The following CSNK2A2IP variants were observed in gnomAD, a reference collection of about 807,000 sequenced individuals.
CSNK2A2IP encodes casein kinase 2 subunit alpha' interacting protein, also known as casein kinase II subunit alpha'-interacting protein.
At chr3:88,412,858 T>A in the CSNK2A2IP span, among the ~76,000 whole-genome samples, 2 of 151,928 alleles carry the variant, frequency 1.3e-5, no homozygotes, top group African/African-American at 4.8e-5. Context: ...ACAGTAAAAA[T>A]ACAGAATTAT....
At chr3:88,412,949 A>AT in the CSNK2A2IP span, among the ~76,000 whole-genome samples, 97 of 152,110 alleles carry the variant, frequency 6.4e-4, no homozygotes, top group Non-Finnish European at 4.1e-4. Flanking sequence ...ATGAATTGTC[A>AT]TTTTTCAGCC....
the CSNK2A2IP span, among the ~76,000 whole-genome samples, chr3:88,440,696 T>C: frequency 2.0e-5 from 3 of 152,108 alleles, no homozygotes; most frequent in Non-Finnish European, 4.4e-5. Flanking sequence ...AATTAAAGCT[T>C]TTTTTTCCCC....
the CSNK2A2IP span, among the ~76,000 whole-genome samples, chr3:88,431,476 A>G: frequency 4.6e-5 from 7 of 152,288 alleles, no homozygotes; most frequent in African/African-American, 1.7e-4. Flanking sequence ...GAAGGGGGTG[A>G]AGGATAAAAG....
chr3:88,465,190 T>A, the CSNK2A2IP span: 3 of 408,022 alleles, frequency 7.4e-6, no homozygotes, highest in Non-Finnish European at 1.3e-5. Flanking sequence ...ACTTCAATTT[T>A]GGAATAGTCT....
chr3:88,369,822 T>C, the CSNK2A2IP span, among the ~76,000 whole-genome samples: 19 of 151,818 alleles, frequency 1.3e-4, no homozygotes, highest in Non-Finnish European at 5.9e-5. Flanking sequence ...TGTTACAAGG[T>C]AGAATTCTGG....
chr3:88,434,274 G>A, the CSNK2A2IP span, among the ~76,000 whole-genome samples: 1 of 152,044 alleles, frequency 6.6e-6, no homozygotes, highest in Admixed American at 6.6e-5. Flanking sequence ...AGAAAAAGTA[G>A]GGTATTATGG....
chr3:88,453,844 A>G, the CSNK2A2IP span, among the ~76,000 whole-genome samples: 5 of 152,060 alleles, frequency 3.3e-5, no homozygotes. Flanking sequence ...TCATTTGTCT[A>G]CTGATGGATA....
chr3:88,413,341 A>C, the CSNK2A2IP span, among the ~76,000 whole-genome samples: 8 of 152,002 alleles, frequency 5.3e-5, no homozygotes, highest in African/African-American at 1.9e-4. Context: ...TAACTCTTAT[A>C]CACTAAGAGA....
the CSNK2A2IP span, among the ~76,000 whole-genome samples, chr3:88,421,692 C>T: frequency 2.2e-3 from 339 of 152,274 alleles, 2 homozygotes; most frequent in Non-Finnish European, 2.3e-3. Context: ...GCTGGGATTA[C>T]AGGCATGAGC....
chr3:88,383,947 G>A, the CSNK2A2IP span, among the ~76,000 whole-genome samples: 232 of 150,652 alleles, frequency 1.5e-3, 2 homozygotes, highest in African/African-American at 5.4e-3. Context: ...ACAGGCATAA[G>A]CCACTGCGCC....
At chr3:88,408,814 T>C in the CSNK2A2IP span, among the ~76,000 whole-genome samples, 1 of 151,814 alleles carries the variant, frequency 6.6e-6, no homozygotes, top group African/African-American at 2.4e-5. Flanking sequence ...ACAAGTTAAC[T>C]GGGGGATTCC....
the CSNK2A2IP span, among the ~76,000 whole-genome samples, chr3:88,461,930 G>T: frequency 6.6e-6 from 1 of 151,782 alleles, no homozygotes; most frequent in Non-Finnish European, 1.5e-5. Context: ...GTAGAGACAG[G>T]ATTTTGCCAC....
chr3:88,448,103 G>A, the CSNK2A2IP span, among the ~76,000 whole-genome samples: 1 of 152,238 alleles, frequency 6.6e-6, no homozygotes, highest in Admixed American at 6.5e-5. Context: ...CCTGGTGGAG[G>A]GCATTTATTG....
At chr3:88,443,105 T>A in the CSNK2A2IP span, among the ~76,000 whole-genome samples, 3 of 152,246 alleles carry the variant, frequency 2.0e-5, no homozygotes, top group East Asian at 5.8e-4. Flanking sequence ...ATAACACAGA[T>A]GTATGAGCTT....
the CSNK2A2IP span, among the ~76,000 whole-genome samples, chr3:88,409,224 G>C: frequency 6.6e-6 from 1 of 151,898 alleles, no homozygotes; most frequent in Non-Finnish European, 1.5e-5. Context: ...TGTCCTTTCT[G>C]ATTAGCCATG....
chr3:88,439,292 G>A, the CSNK2A2IP span, among the ~76,000 whole-genome samples: 4 of 152,126 alleles, frequency 2.6e-5, no homozygotes, highest in Non-Finnish European at 5.9e-5. Context: ...ATGTGTTTCT[G>A]TGGTGCTTCC....
the CSNK2A2IP span, among the ~76,000 whole-genome samples, chr3:88,347,129 C>A: frequency 6.6e-6 from 1 of 151,988 alleles, no homozygotes; most frequent in Non-Finnish European, 1.5e-5. Flanking sequence ...TGAATTGCTG[C>A]AATTTCATTA....
the CSNK2A2IP span, among the ~76,000 whole-genome samples, chr3:88,438,362 C>G: frequency 2.3e-3 from 351 of 152,224 alleles, 5 homozygotes; most frequent in Admixed American, 0.017. Flanking sequence ...CCTTCTTTCT[C>G]CTGTTTACCT....
the CSNK2A2IP span, among the ~76,000 whole-genome samples, chr3:88,355,387 T>A: frequency 1.3e-5 from 2 of 151,914 alleles, no homozygotes; most frequent in Non-Finnish European, 2.9e-5. Flanking sequence ...CTGCCCAGAG[T>A]CTGCACTATA....
Sources: gnomAD v4.1 joint callset for allele counts (sites outside exome capture counted in the v4.1 genomes callset) on GRCh38, gnomAD v4.1.1 for gene constraint, MANE v1.5 for transcripts, NCBI Gene and HGNC (gene_info 2026-07-23, HGNC 2026-07-21) for gene names.